The following PDSS2 variants were observed in gnomAD, a reference collection of about 807,000 sequenced individuals.
PDSS2 encodes the protein all trans-polyprenyl-diphosphate synthase PDSS2.
A neutral mutation model predicts 44.5 loss-of-function variants in PDSS2; 31 were observed. That is an observed-to-expected ratio of 0.70 (90% CI 0.52 to 0.94). The LOEUF (loss-of-function observed/expected upper bound fraction) is 0.94. Ranked by LOEUF, PDSS2 falls within the 40% of genes least tolerant of loss-of-function variation. The pLI is 0.00. For synonymous variants in PDSS2, 157 were observed against 180.3 expected (o/e 0.87, Z 1.03); for missense variants, 452 against 482.2 (o/e 0.94, Z 0.59).
At chr6:107,374,253 C>CAAAA (rs3033569) in intron 1 of PDSS2, among the ~76,000 whole-genome samples, 38 of 70,172 alleles carry the variant, frequency 5.4e-4, no homozygotes, top group South Asian at 1.3e-3. Flanking sequence ...GACTCCATCA[C>CAAAA]AAAAAAAAAA....
intron 7 of PDSS2, among the ~76,000 whole-genome samples, chr6:107,184,601 T>C (rs1036243736): frequency 1.3e-5 from 2 of 152,216 alleles, no homozygotes; most frequent in African/African-American, 4.8e-5. Flanking sequence ...TGCAAATGCA[T>C]TTTATAATAA....
chr6:107,429,745 G>A (rs1253745397), intron 1 of PDSS2, among the ~76,000 whole-genome samples: 11 of 151,262 alleles, frequency 7.3e-5, no homozygotes, highest in South Asian at 2.1e-4. Flanking sequence ...TTAGCTGGGC[G>A]TGGTGGTGCA....
chr6:107,351,779 CTAT>C (rs1296022849), intron 1 of PDSS2, among the ~76,000 whole-genome samples: 2 of 152,066 alleles, frequency 1.3e-5, no homozygotes, highest in African/African-American at 4.8e-5. Context: ...TCCAAAAAAG[CTAT>C]TATTCTCTAT....
chr6:107,214,696 CA>C (rs1252773558), intron 4 of PDSS2, among the ~76,000 whole-genome samples: 1 of 152,102 alleles, frequency 6.6e-6, no homozygotes, highest in Admixed American at 6.5e-5. Context: ...AAGTGGTCAC[CA>C]AAAGGTCAGC....
In PDSS2 at chr6:107,244,416, A is replaced by C. The variant is rs960013371; in HGVS notation, c.702+1132T>G. Among the ~76,000 whole-genome samples the C allele has an allele frequency of 4.6e-5, 7 of 152,324 alleles. No individual in the cohort carries two copies. In the East Asian group the frequency reaches 1.4e-3, roughly 29 times the overall value. Reference sequence around the variant, plus strand: ...TTTTTACAAGTGGAACTAGACCAGTAGTCACCCATTTTACAATCAGATATT... The same window carrying C: ...TTTTTACAAGTGGAACTAGACCAGTCGTCACCCATTTTACAATCAGATATT... On this transcript the variant is annotated intron_variant, in intron 4 of 7. Transcript: ENST00000369037.
At chr6:107,374,253 C>CA (rs3033569) in intron 1 of PDSS2, among the ~76,000 whole-genome samples, 37,785 of 70,996 alleles carry the variant, frequency 0.53, 9,058 homozygotes, top group Middle Eastern at 0.68. Context: ...GACTCCATCA[C>CA]AAAAAAAAAA....
intron 1 of PDSS2, among the ~76,000 whole-genome samples, chr6:107,366,478 C>T (rs914073095): frequency 6.6e-6 from 1 of 151,326 alleles, no homozygotes; most frequent in African/African-American, 2.4e-5. Flanking sequence ...GCAAACTAAC[C>T]CCAAGCAAGC....
chr6:107,445,350 C>A (rs1217805403), intron 1 of PDSS2, among the ~76,000 whole-genome samples: 1 of 152,064 alleles, frequency 6.6e-6, no homozygotes, highest in Non-Finnish European at 1.5e-5. Context: ...CCTGGGCCAT[C>A]CAGCTTGGAC....
chr6:107,372,941 C>A (rs1779171059), intron 1 of PDSS2, among the ~76,000 whole-genome samples: 1 of 151,662 alleles, frequency 6.6e-6, no homozygotes, highest in East Asian at 1.9e-4. Context: ...AAAACTAAAC[C>A]TACACACTTG....
chr6:107,380,410 T>C (rs918614995), intron 1 of PDSS2, among the ~76,000 whole-genome samples: 3 of 152,156 alleles, frequency 2.0e-5, no homozygotes, highest in Admixed American at 6.6e-5. Flanking sequence ...AGAAAGGCCA[T>C]GGTGGGGTAA....
At chr6:107,425,986 A>T (rs1780990403) in intron 1 of PDSS2, among the ~76,000 whole-genome samples, 1 of 151,640 alleles carries the variant, frequency 6.6e-6, no homozygotes, top group Non-Finnish European at 1.5e-5. Flanking sequence ...AGAAAATCCC[A>T]TTTTCTGGGG....
chr6:107,347,976 C>A (rs1778307923), intron 1 of PDSS2, among the ~76,000 whole-genome samples: 1 of 152,128 alleles, frequency 6.6e-6, no homozygotes, highest in Non-Finnish European at 1.5e-5. Flanking sequence ...CCACCCCCCA[C>A]ACAGTTTTCC....
chr6:107,385,751 A>T (rs1156850332), intron 1 of PDSS2, among the ~76,000 whole-genome samples: 2 of 151,410 alleles, frequency 1.3e-5, no homozygotes, highest in Non-Finnish European at 1.5e-5. Flanking sequence ...TTTTTTTTTT[A>T]AATAAAATAG....
intron 2 of PDSS2, among the ~76,000 whole-genome samples, chr6:107,318,859 G>A (rs1777286678): frequency 6.6e-6 from 1 of 152,078 alleles, no homozygotes; most frequent in Non-Finnish European, 1.5e-5. Context: ...CTGGTGGCAG[G>A]CGCCTGTAAT....
chr6:107,359,288 G>A (rs974870659), intron 1 of PDSS2, among the ~76,000 whole-genome samples: 3 of 151,496 alleles, frequency 2.0e-5, no homozygotes, highest in Admixed American at 6.6e-5. Context: ...CTGGGATTAC[G>A]GGCATGAGCC....
chr6:107,387,919 G>A (rs1048665914), intron 1 of PDSS2, among the ~76,000 whole-genome samples: 12 of 152,164 alleles, frequency 7.9e-5, no homozygotes, highest in Non-Finnish European at 1.8e-4. Context: ...GGAGAAGAAT[G>A]TCATCAAAAT....
At chr6:107,240,969 T>A (rs924292820) in intron 4 of PDSS2, among the ~76,000 whole-genome samples, 3 of 152,096 alleles carry the variant, frequency 2.0e-5, no homozygotes, top group African/African-American at 7.2e-5. Context: ...TAATTCAACT[T>A]ACTTAGTACA....
At chr6:107,237,741 A>T (rs1171386699) in intron 4 of PDSS2, among the ~76,000 whole-genome samples, 2 of 151,118 alleles carry the variant, frequency 1.3e-5, no homozygotes, top group East Asian at 4.0e-4. Flanking sequence ...CACCTCTAAT[A>T]AAAAAAATAC....
rs575903111 is a variant in PDSS2, at chr6:107,361,060, G to A, written c.297-26728C>T. Among the ~76,000 whole-genome samples, 149 of 152,122 alleles carry A rather than the reference G, an allele frequency of 9.8e-4. 1 individual carries two copies. Among genetic ancestry groups the A allele is most frequent in the African/African-American group, 3.5e-3 (145 of 41,524 alleles). On this transcript the variant is annotated intron_variant, in intron 1 of 7. Coordinates refer to ENST00000369037, the MANE Select transcript of PDSS2 (RefSeq NM_020381.4). ...AATTTACATATATTATAATATTCAT[G>A]ATATATGATAAATACCCAAATCCTA... is the stretch of plus-strand genomic sequence containing the variant.
Sources: gnomAD v4.1 joint callset for allele counts (sites outside exome capture counted in the v4.1 genomes callset) on GRCh38, gnomAD v4.1.1 for gene constraint, MANE v1.5 for transcripts, NCBI Gene and HGNC (gene_info 2026-07-23, HGNC 2026-07-21) for gene names.